Variants in NCOR2 observed in about 807,000 individuals in gnomAD.
NCOR2 encodes the protein CTG repeat protein 26.
NCOR2 carries 81 observed loss-of-function variants against 262.9 expected under a neutral mutation model. That is an observed-to-expected ratio of 0.31 (90% CI 0.26 to 0.37). The LOEUF (loss-of-function observed/expected upper bound fraction) is 0.37, where lower values mean the gene tolerates loss of function less well. Ranked by LOEUF, NCOR2 falls within the 10% of genes least tolerant of loss-of-function variation. The probability of loss-of-function intolerance (pLI) is 1.00; values close to 1 mark genes in which losing one functional copy is unlikely to be tolerated. For synonymous variants in NCOR2, 1,659 were observed against 1,559.3 expected (o/e 1.06, Z -1.51); for missense variants, 3,385 against 3,621.4 (o/e 0.93, Z 1.68).
intron 7 of NCOR2, among the ~76,000 whole-genome samples, chr12:124,449,571 C>A (rs1270003025): frequency 2.6e-5 from 4 of 152,210 alleles, no homozygotes; most frequent in Non-Finnish European, 5.9e-5. Flanking sequence ...ACCAGCAGCT[C>A]CCTCGCCCAC....
chr12:124,522,828 C>T (rs544651094), intron 1 of NCOR2, among the ~76,000 whole-genome samples: 3 of 152,232 alleles, frequency 2.0e-5, no homozygotes, highest in Admixed American at 6.5e-5. Context: ...CCCCTATAGC[C>T]GACAGAGCTG....
chr12:124,506,743 G>A (rs1227978151), intron 1 of NCOR2, among the ~76,000 whole-genome samples: 1 of 152,236 alleles, frequency 6.6e-6, no homozygotes, highest in Non-Finnish European at 1.5e-5. Flanking sequence ...AATCTTCTCT[G>A]CAGAGGGAAG....
chr12:124,515,755 T>G (rs886658801), intron 1 of NCOR2, among the ~76,000 whole-genome samples: 3 of 152,068 alleles, frequency 2.0e-5, no homozygotes, highest in African/African-American at 7.2e-5. Flanking sequence ...TGAGTATACA[T>G]GTGGGTGTGT....
intron 1 of NCOR2, among the ~76,000 whole-genome samples, chr12:124,501,763 A>G (rs1195297495): frequency 1.3e-5 from 2 of 152,206 alleles, no homozygotes; most frequent in Non-Finnish European, 2.9e-5. Context: ...CCCAGGTTCC[A>G]CGCAGACGTA....
chr12:124,349,996 T>C (rs2037304312), intron 28 of NCOR2, among the ~76,000 whole-genome samples: 1 of 152,114 alleles, frequency 6.6e-6, no homozygotes, highest in Non-Finnish European at 1.5e-5. Flanking sequence ...CGGAAGTGGA[T>C]GGAGGAGAGG....
intron 11 of NCOR2, among the ~76,000 whole-genome samples, chr12:124,425,739 C>G (rs1309612400): frequency 1.3e-5 from 2 of 152,188 alleles, no homozygotes; most frequent in Non-Finnish European, 2.9e-5. Context: ...CTCCCTGGCC[C>G]CATTCACAAA....
chr12:124,473,983 T>C (rs1026453479), intron 3 of NCOR2, among the ~76,000 whole-genome samples: 3 of 152,106 alleles, frequency 2.0e-5, no homozygotes, highest in Non-Finnish European at 4.4e-5. Flanking sequence ...CAAGATGCGG[T>C]TCAAATGCTC....
At chr12:124,526,201 A>G (rs1420406665) in intron 1 of NCOR2, among the ~76,000 whole-genome samples, 1 of 152,118 alleles carries the variant, frequency 6.6e-6, no homozygotes, top group Non-Finnish European at 1.5e-5. Flanking sequence ...GGACACACAC[A>G]ATTCTTCATG....
At chr12:124,556,325 C>G (rs1196400544) in intron 1 of NCOR2, 1 of 152,360 alleles carries the variant, frequency 6.6e-6, no homozygotes, top group Non-Finnish European at 1.5e-5. Flanking sequence ...CACCAGGGCA[C>G]GAGGCAAGGC....
chr12:124,564,046 G>A (rs2052154805), intron 1 of NCOR2, among the ~76,000 whole-genome samples: 1 of 152,216 alleles, frequency 6.6e-6, no homozygotes, highest in Non-Finnish European at 1.5e-5. Flanking sequence ...ACTCATAGAG[G>A]AGTTATGAAG....
chr12:124,363,855 G>A lies in NCOR2; in HGVS notation c.2808-56C>T, dbSNP rs1455383322. 2.0e-5 allele frequency: 26 copies of A among 1,296,868 alleles called. 1 individual carries two copies. Among genetic ancestry groups the A allele is most frequent in the Middle Eastern group, 2.4e-4 (1 of 4,150 alleles). 80.3% of individuals were successfully genotyped at this position (1,296,868 alleles called of 1,614,324 possible). A position where few individuals can be genotyped will look rare whatever the true frequency, so the allele number is the denominator to read the frequency against. On this transcript the variant is annotated intron_variant, in intron 20 of 46. Transcript: ENST00000405201. ...GCCCACAGCCGGACTCTCCCAGGGT[G>A]GGGGGGCTGCCCGGTTTTGATGGCC... is the stretch of plus-strand genomic sequence containing the variant.
intron 1 of NCOR2, among the ~76,000 whole-genome samples, chr12:124,516,086 C>G (rs1301001638): frequency 6.6e-6 from 1 of 152,214 alleles, no homozygotes; most frequent in Non-Finnish European, 1.5e-5. Context: ...AGGCCATTCT[C>G]GAGGTCCCAG....
At chr12:124,427,079 A>G (rs2043593417) in intron 10 of NCOR2, among the ~76,000 whole-genome samples, 2 of 152,156 alleles carry the variant, frequency 1.3e-5, no homozygotes, top group Admixed American at 6.5e-5. Flanking sequence ...GGGAGCCATG[A>G]ATCTTCCCTT....
chr12:124,461,940 A>G (rs959649755), intron 5 of NCOR2, among the ~76,000 whole-genome samples: 4 of 152,160 alleles, frequency 2.6e-5, no homozygotes, highest in Non-Finnish European at 4.4e-5. Flanking sequence ...ATGCTGACTC[A>G]TATACGCTTA....
chr12:124,357,689 G>A (rs1030809044), intron 22 of NCOR2, among the ~76,000 whole-genome samples: 1 of 152,280 alleles, frequency 6.6e-6, no homozygotes, highest in Non-Finnish European at 1.5e-5. Flanking sequence ...CCTTGCAACA[G>A]AGATTGTCTG....
At chr12:124,385,837 A>G in exon 17 of NCOR2, 1 of 1,613,880 alleles carries the variant, frequency 6.2e-7, no homozygotes. Flanking sequence ...ACAGTCTTGG[A>G]GCCCACCATC....
exon 43 of NCOR2, chr12:124,332,320 G>A (rs531151321): frequency 1.2e-6 from 2 of 1,614,078 alleles, no homozygotes; most frequent in African/African-American, 1.3e-5. Context: ...GCCCCTTACT[G>A]TATTCAGGCT....
chr12:124,486,679 C>T (rs1346142882), intron 1 of NCOR2, 111 bp from the exon 4 acceptor site: 1 of 1,351,778 alleles, frequency 7.4e-7, no homozygotes, highest in African/African-American at 1.5e-5. Context: ...CGCTCCTGCC[C>T]TAGGCAGATA....
chr12:124,519,200 A>G (rs1350203751), intron 1 of NCOR2, among the ~76,000 whole-genome samples: 1 of 151,866 alleles, frequency 6.6e-6, no homozygotes, highest in Non-Finnish European at 1.5e-5. Flanking sequence ...TGTGTGACTC[A>G]GAGACAAGTC....
Sources: allele counts gnomAD v4.1 joint callset (sites outside exome capture counted in the v4.1 genomes callset), GRCh38; gene constraint gnomAD v4.1.1; transcripts MANE v1.5; gene names NCBI Gene and HGNC (gene_info 2026-07-23, HGNC 2026-07-21).